ADAMTS9: variants seen among roughly 807,000 people sequenced by gnomAD.
The protein encoded by ADAMTS9 is A disintegrin and metalloproteinase with thrombospondin motifs 9.
A neutral mutation model predicts 257.1 loss-of-function variants in ADAMTS9; 107 were observed. The ratio of observed to expected loss-of-function variants is 0.42; its 90% CI spans 0.36 to 0.49. The LOEUF is 0.49. Among genes scored for constraint, ADAMTS9 ranks in the 20% least tolerant of loss-of-function variants. ADAMTS9 has a pLI of 0.03. For missense variants in ADAMTS9, 2,353 were observed against 2,469.1 expected, an observed-to-expected ratio of 0.95 and a Z score of 1.00; for synonymous variants, 982 against 880.9, an observed-to-expected ratio of 1.11 and a Z score of -2.03.
chr3:64,601,850 G>C, intron 26 of ADAMTS9, 94 bp downstream of exon 26: 1 of 1,444,398 alleles, frequency 6.9e-7, no homozygotes, highest in Middle Eastern at 1.8e-4. Context: ...CCCTTGTAAA[G>C]AAAAAAATAT....
chr3:64,615,011 C>T (rs145622977), intron 21 of ADAMTS9: 35 of 247,350 alleles, frequency 1.4e-4, no homozygotes, highest in African/African-American at 7.8e-4. Context: ...CCATGATTTC[C>T]TTTCAGTGAC....
chr3:64,623,565 T>C (rs1255259930), intron 16 of ADAMTS9, among the ~76,000 whole-genome samples: 2 of 152,196 alleles, frequency 1.3e-5, no homozygotes, highest in Non-Finnish European at 2.9e-5. Flanking sequence ...AACTGAGAGA[T>C]AGTATATATT....
intron 12 of ADAMTS9, among the ~76,000 whole-genome samples, chr3:64,638,772 T>G (rs1372118563): frequency 1.3e-5 from 2 of 152,144 alleles, no homozygotes; most frequent in Non-Finnish European, 2.9e-5. Context: ...TTATCTTTTT[T>G]GGCTTTTACG....
Position 64,616,107 on chromosome 3 carries a change from G to A in ADAMTS9, c.2877C>T (p.Asp959=). The change falls in exon 20 of 40, where the codon GAC becomes GAT. Residue 959 remains aspartate, a synonymous_variant. Transcript: ENST00000498707. ...GCCTGCTATATTTGGCACAGTAGAT[G>A]TCCAATGTGCGGTAACCCAAGCCAC... The part of the protein sequence containing the change: ...AQCGLGYRTL[D]IYCAKYSRLD... 3.7e-6 allele frequency: 6 copies of A among 1,614,134 alleles called. No homozygotes were observed. Among genetic ancestry groups the A allele is most frequent in the Middle Eastern group, 1.7e-4 (1 of 6,050 alleles).
chr3:64,563,698 C>G (rs2083470005), intron 29 of ADAMTS9, among the ~76,000 whole-genome samples: 2 of 152,164 alleles, frequency 1.3e-5, no homozygotes, highest in South Asian at 4.1e-4. Flanking sequence ...CAGGAAAGTT[C>G]AATTATACGA....
rs751556663 is a variant in ADAMTS9 at position 64,546,949 on chromosome 3, A to G, written c.4873T>C (p.Ser1625Pro). 1 of 1,604,798 alleles carries G rather than the reference A, an allele frequency of 6.2e-7. No homozygotes were observed. Among genetic ancestry groups the G allele is most frequent in the Non-Finnish European group, 8.5e-7 (1 of 1,175,486 alleles). Residue 1625 changes from serine to proline, a missense_variant, in exon 32 of 40, where the codon TCA becomes CCA. Coordinates refer to ENST00000498707, the MANE Select transcript of ADAMTS9 (RefSeq NM_182920.2). Reference sequence around the variant, plus strand: ...TTGTAGCCTTTTCCACAGGTCACTGAGCACTGCAAAGACAGGGATTGAGAG... The same window carrying G: ...TTGTAGCCTTTTCCACAGGTCACTGGGCACTGCAAAGACAGGGATTGAGAG... ...VWITGEWSEC[S>P]VTCGKGYKQR...
At chr3:64,589,705 T>C (rs1250936724) in intron 28 of ADAMTS9, 2 of 152,304 alleles carry the variant, frequency 1.3e-5, no homozygotes, top group Non-Finnish European at 2.9e-5. Flanking sequence ...TAATAACCTA[T>C]ACTGCAAAAA....
chr3:64,536,761 G>A (rs1047908041), intron 37 of ADAMTS9, among the ~76,000 whole-genome samples: 5 of 152,134 alleles, frequency 3.3e-5, no homozygotes, highest in African/African-American at 7.2e-5. Flanking sequence ...AAGCAAAGAC[G>A]CATAATAAAT....
At chr3:64,639,444 C>T (rs1477965150) in intron 12 of ADAMTS9, among the ~76,000 whole-genome samples, 3 of 151,758 alleles carry the variant, frequency 2.0e-5, no homozygotes, top group Non-Finnish European at 4.4e-5. Flanking sequence ...AGATCCTTTT[C>T]TGCTGAGATC....
intron 2 of ADAMTS9, among the ~76,000 whole-genome samples, chr3:64,684,697 G>A (rs1161405876): frequency 6.6e-6 from 1 of 152,174 alleles, no homozygotes; most frequent in African/African-American, 2.4e-5. Flanking sequence ...AGTCCAGGTA[G>A]TCGTTTCTGA....
intron 29 of ADAMTS9, among the ~76,000 whole-genome samples, chr3:64,565,102 T>C (rs2083509497): frequency 6.6e-6 from 1 of 152,062 alleles, no homozygotes; most frequent in South Asian, 2.1e-4. Context: ...ACAAAATAAA[T>C]GGAAAGCACA....
At chr3:64,560,645 T>G (rs1251029495) in intron 30 of ADAMTS9, among the ~76,000 whole-genome samples, 1 of 152,136 alleles carries the variant, frequency 6.6e-6, no homozygotes, top group Non-Finnish European at 1.5e-5. Context: ...ATGCTCACCT[T>G]GTCTGGTGGT....
At position 64,677,651 on chromosome 3, in the gene ADAMTS9, T is replaced by C. The variant is rs145115213; in HGVS notation, c.679+3550A>G. Among the ~76,000 whole-genome samples, 11 of 152,344 alleles carry C rather than the reference T, an allele frequency of 7.2e-5. No individual in the cohort carries two copies. The East Asian group carries it at 2.1e-3, about 29-fold the overall frequency. On this transcript the variant is annotated intron_variant, in intron 3 of 39. Coordinates refer to ENST00000498707, the MANE Select transcript of ADAMTS9 (RefSeq NM_182920.2). ...AAAAACACCTACCATTCTGTGATTG[T>C]CTACCACATGCTAAATAAACACTGT...
At chr3:64,684,349 C>CAGAAAAT (rs759122982) in intron 2 of ADAMTS9, among the ~76,000 whole-genome samples, 45,224 of 151,866 alleles carry the variant, frequency 0.3, 7,259 homozygotes, top group East Asian at 0.44. Context: ...GGCGACCCAT[C>CAGAAAAT]TCAGATGAAA....
chr3:64,668,910 C>T (rs747394576), intron 3 of ADAMTS9, among the ~76,000 whole-genome samples: 23 of 152,160 alleles, frequency 1.5e-4, no homozygotes, highest in Non-Finnish European at 2.9e-4. Context: ...GGGAGTGTAT[C>T]TCCCACATTC....
intron 2 of ADAMTS9, among the ~76,000 whole-genome samples, chr3:64,684,088 G>A (rs562968538): frequency 1.3e-5 from 2 of 152,318 alleles, no homozygotes; most frequent in South Asian, 2.1e-4. Flanking sequence ...AGGGTGGGGT[G>A]CAGAGAAAGC....
chr3:64,653,728 A>C (rs1243904702), intron 8 of ADAMTS9, among the ~76,000 whole-genome samples: 2 of 152,226 alleles, frequency 1.3e-5, no homozygotes, highest in African/African-American at 4.8e-5. Context: ...GTCAATTTGC[A>C]GTGTTTTGCC....
At chr3:64,665,519 C>A (rs1701332530) in intron 3 of ADAMTS9, among the ~76,000 whole-genome samples, 2 of 152,194 alleles carry the variant, frequency 1.3e-5, no homozygotes, top group South Asian at 2.1e-4. Flanking sequence ...GAATAAATAT[C>A]ATTATCATAT....
intron 28 of ADAMTS9, chr3:64,589,999 G>A (rs2084231448): frequency 6.6e-6 from 1 of 152,056 alleles, no homozygotes; most frequent in Non-Finnish European, 1.5e-5. Flanking sequence ...TCTCTTATGT[G>A]TTCAGAACCA....
Sources: gnomAD v4.1 joint callset for allele counts (sites outside exome capture counted in the v4.1 genomes callset) on GRCh38, gnomAD v4.1.1 for gene constraint, MANE v1.5 for transcripts, NCBI Gene and HGNC (gene_info 2026-07-23, HGNC 2026-07-21) for gene names.